ABCA8: variants seen among roughly 807,000 people sequenced by gnomAD.
ABCA8 encodes ATP binding cassette subfamily A member 8.
A neutral mutation model predicts 192.3 loss-of-function variants in ABCA8; 177 were observed. The ratio of observed to expected loss-of-function variants is 0.92; its 90% CI spans 0.81 to 1.04. ABCA8 has a LOEUF of 1.04. Among genes scored for constraint, ABCA8 ranks in the 50% least tolerant of loss-of-function variants. The probability of loss-of-function intolerance (pLI) is 0.00; values close to 1 mark genes in which losing one functional copy is unlikely to be tolerated. For missense variants in ABCA8, 1,915 were observed against 1,904.8 expected (o/e 1.01, Z -0.10); for synonymous variants, 642 against 690.2 (o/e 0.93, Z 1.09).
chr17:68,914,201 A>G (rs1240809010), intron 17 of ABCA8, among the ~76,000 whole-genome samples: 1 of 152,128 alleles, frequency 6.6e-6, no homozygotes, highest in Admixed American at 6.5e-5. Flanking sequence ...TATCATACTC[A>G]ATGGGGGAAA....
intron 3 of ABCA8, among the ~76,000 whole-genome samples, 173 bp downstream of exon 3, chr17:68,941,766 T>C (rs952196319): frequency 3.9e-5 from 6 of 152,186 alleles, no homozygotes; most frequent in African/African-American, 1.4e-4. Context: ...TCAACTGAAA[T>C]ATCTTCAAAC....
At chr17:68,908,011 C>G in intron 17 of ABCA8, 132 bp from the exon 18 acceptor site, 1 of 867,578 alleles carries the variant, frequency 1.2e-6, no homozygotes, top group Non-Finnish European at 1.6e-6. Flanking sequence ...GTCAGACAAA[C>G]ACAAAATAAG....
At chr17:68,947,017 A>C (rs2068430696) in intron 2 of ABCA8, among the ~76,000 whole-genome samples, 1 of 152,200 alleles carries the variant, frequency 6.6e-6, no homozygotes, top group African/African-American at 2.4e-5. Context: ...TTGAGCCATT[A>C]AATAATTTTT....
intron 37 of ABCA8, among the ~76,000 whole-genome samples, chr17:68,871,835 A>T (rs191848367): frequency 6.6e-6 from 1 of 152,358 alleles, no homozygotes; most frequent in East Asian, 1.9e-4. Flanking sequence ...ATCATAAAAA[A>T]GTATGCAATT....
intron 21 of ABCA8, among the ~76,000 whole-genome samples, chr17:68,901,118 A>C (rs2066898597): frequency 6.6e-6 from 1 of 152,138 alleles, no homozygotes; most frequent in African/African-American, 2.4e-5. Flanking sequence ...ACATCAGGTG[A>C]CTAAAAATGT....
At chr17:68,883,751 A>G (rs745974318) in intron 29 of ABCA8, 40 bp downstream of exon 29, 1 of 1,256,302 alleles carries the variant, frequency 8.0e-7, no homozygotes, top group Admixed American at 2.2e-5. Context: ...ATTTTACGAT[A>G]TTGATCAACA....
chr17:68,886,975 T>C (rs2066477626), intron 26 of ABCA8, 42 bp downstream of exon 26: 1 of 1,374,120 alleles, frequency 7.3e-7, no homozygotes, highest in Non-Finnish European at 1.0e-6. Context: ...CAGAATTGTA[T>C]ATCAAATATA....
In ABCA8 at chr17:68,881,182, C is replaced by T; in HGVS notation, c.3976G>A (p.Gly1326Arg). 6.2e-7 allele frequency: 1 copy of T among 1,613,786 alleles called. No individual in the cohort carries two copies. Among genetic ancestry groups the T allele is most frequent in the East Asian group, 2.2e-5 (1 of 44,860 alleles). The change falls in exon 32 of 40, where the codon GGA becomes AGA. Residue 1326 changes from glycine to arginine, a missense_variant. By Grantham distance (125) the Gly-to-Arg change is moderately radical (BLOSUM62 -2). Coordinates refer to ENST00000586539, the MANE Select transcript of ABCA8 (RefSeq NM_001288985.2). ...TTAATGGATGTGCTTTTACCAGCTCCATTGTGTCCTAATAATCCTAAAACT... is the reference window on the plus strand; with the variant it reads ...TTAATGGATGTGCTTTTACCAGCTCTATTGTGTCCTAATAATCCTAAAACT... ...GEVLGLLGHN[G>R]AGKSTSIKVI...
intron 32 of ABCA8, chr17:68,880,110 G>C (rs1429159302): frequency 6.6e-6 from 1 of 152,176 alleles, no homozygotes; most frequent in East Asian, 1.9e-4. Context: ...CTTTTTCCAG[G>C]CCTGCCCATG....
intron 4 of ABCA8, among the ~76,000 whole-genome samples, chr17:68,938,951 G>T (rs2068150495): frequency 1.3e-5 from 2 of 152,210 alleles, no homozygotes; most frequent in South Asian, 4.2e-4. Flanking sequence ...CATTATTTTT[G>T]TAGTTATTCT....
chr17:68,901,678 A>G (rs1049823898), intron 21 of ABCA8, among the ~76,000 whole-genome samples: 4 of 151,932 alleles, frequency 2.6e-5, no homozygotes, highest in Admixed American at 6.6e-5. Flanking sequence ...TGTGGTGGCA[A>G]GCTCCTGTAG....
Position 68,921,371 on chromosome 17 carries a change from C to G in ABCA8, c.1612+11G>C. 1 of 1,573,766 alleles carries G rather than the reference C, an allele frequency of 6.4e-7. No homozygotes were observed. Among genetic ancestry groups the G allele is most frequent in the Non-Finnish European group, 8.6e-7 (1 of 1,157,622 alleles). ...ATAATTTAAAAAAAAAGAAAACAAA[C>G]TAGTTTGTACCTTTGGTGGGAACAG... is the stretch of plus-strand genomic sequence containing the variant. On this transcript the variant is annotated intron_variant, in intron 13 of 39. Transcript: ENST00000586539.
At chr17:68,884,805 T>C (rs1020184952) in intron 27 of ABCA8, 14 of 985,292 alleles carry the variant, frequency 1.4e-5, no homozygotes, top group Admixed American at 1.2e-4. Flanking sequence ...TGCATAGGTA[T>C]AGGTATCAGT....
Position 68,921,432 on chromosome 17 carries a change from C to A in ABCA8, c.1562G>T (p.Gly521Val), listed in dbSNP as rs1223356823. The A allele has an allele frequency of 6.2e-7, 1 of 1,611,068 alleles. No homozygotes were observed. The highest frequency in any genetic ancestry group is 1.3e-5 in the African/African-American group (1 of 74,852). Residue 521 changes from glycine (G) to valine (V), a missense_variant, in exon 13 of 40, where the codon GGA (glycine) becomes GTA (valine). Gly to Val is a moderately radical substitution (Grantham distance 109). Coordinates refer to ENST00000586539, the MANE Select transcript of ABCA8 (RefSeq NM_001288985.2). The stretch of plus-strand genomic sequence containing the variant: ...AAGAATGTTTAGCAGTGTTGACTTT[C>A]CAGCTCCACTGTGACCAAGTATTGC... The part of the protein sequence containing the change: ...ITAILGHSGA[G>V]KSTLLNILSG...
intron 5 of ABCA8, among the ~76,000 whole-genome samples, chr17:68,936,642 A>G (rs766215367): frequency 1.1e-4 from 17 of 152,120 alleles, no homozygotes; most frequent in Admixed American, 1.3e-4. Context: ...CTTATCCATA[A>G]ACTACCTTGT....
chr17:68,923,224 G>C (rs2067596388), intron 11 of ABCA8, among the ~76,000 whole-genome samples: 1 of 149,088 alleles, frequency 6.7e-6, no homozygotes, highest in Non-Finnish European at 1.5e-5. Context: ...TTTTGAGAGA[G>C]AGTCTTGCTC....
At chr17:68,877,477 C>A in intron 33 of ABCA8, 42 bp downstream of exon 33, 1 of 1,545,466 alleles carries the variant, frequency 6.5e-7, no homozygotes, top group Non-Finnish European at 8.8e-7. Flanking sequence ...ACCTCCTCCA[C>A]CCCTCCCTTG....
In ABCA8 at chr17:68,868,099, G is replaced by C; in HGVS notation, c.4852C>G (p.Gln1618Glu). The C allele has an allele frequency of 1.2e-6, 2 of 1,611,676 alleles. No individual in the cohort carries two copies. Among genetic ancestry groups the C allele is most frequent in the South Asian group, 1.1e-5 (1 of 90,752 alleles). Residue 1618 changes from glutamine to glutamate, a missense_variant, in exon 40 of 40, where the codon CAG becomes GAG. Transcript: ENST00000586539. ...DPSVKWKLLP[Q>E]EEP ...AATTTGGGGTTTTAAGGCTCTTCCTGGGGGAGGAGCTTCCACTTCACTGAG... is the reference window on the plus strand; with the variant it reads ...AATTTGGGGTTTTAAGGCTCTTCCTCGGGGAGGAGCTTCCACTTCACTGAG...
At chr17:68,902,986 C>T in intron 20 of ABCA8, 107 bp from the exon 21 acceptor site, 1 of 976,816 alleles carries the variant, frequency 1.0e-6, no homozygotes, top group Non-Finnish European at 1.5e-6. Flanking sequence ...AAATTAAACA[C>T]AATTAACTGT....
Sources: gnomAD v4.1 joint callset for allele counts (sites outside exome capture counted in the v4.1 genomes callset) on GRCh38, gnomAD v4.1.1 for gene constraint, MANE v1.5 for transcripts, NCBI Gene and HGNC (gene_info 2026-07-23, HGNC 2026-07-21) for gene names.